Variants in REDIC1 observed in about 807,000 individuals in gnomAD.
REDIC1 encodes the protein HEI10 Interacting Protein 1.
chr12:39,824,594 G>A, the REDIC1 span, among the ~76,000 whole-genome samples: 11 of 152,308 alleles, frequency 7.2e-5, no homozygotes, highest in Admixed American at 6.5e-4. Context: ...CATCTGTACT[G>A]AGGTGGACGT....
the REDIC1 span, among the ~76,000 whole-genome samples, chr12:39,677,903 T>G: frequency 2.0e-5 from 3 of 152,032 alleles, no homozygotes; most frequent in Non-Finnish European, 4.4e-5. Flanking sequence ...ACAGTTGTAG[T>G]GACAAAACCT....
chr12:39,781,427 A>G, the REDIC1 span, among the ~76,000 whole-genome samples: 1 of 152,148 alleles, frequency 6.6e-6, no homozygotes, highest in Non-Finnish European at 1.5e-5. Context: ...CCTCCACGTC[A>G]CCTGCCATTG....
the REDIC1 span, among the ~76,000 whole-genome samples, chr12:39,637,235 G>A: frequency 6.6e-6 from 1 of 151,870 alleles, no homozygotes; most frequent in Admixed American, 6.6e-5. Flanking sequence ...AAGAGGTTAT[G>A]ACCTACCAAT....
the REDIC1 span, among the ~76,000 whole-genome samples, chr12:39,680,757 A>G: frequency 7.9e-6 from 1 of 126,334 alleles, no homozygotes; most frequent in East Asian, 2.2e-4. Flanking sequence ...GTGGGTGAAG[A>G]AAATACATAC....
the REDIC1 span, chr12:39,756,350 A>T: frequency 2.0e-5 from 3 of 151,954 alleles, no homozygotes; most frequent in Non-Finnish European, 4.4e-5. Flanking sequence ...TGGTAATTAA[A>T]AACTTGTCAC....
chr12:39,738,857 T>C, the REDIC1 span, among the ~76,000 whole-genome samples: 1 of 152,006 alleles, frequency 6.6e-6, no homozygotes, highest in Non-Finnish European at 1.5e-5. Context: ...TGTATGAACA[T>C]AAAATATTTC....
the REDIC1 span, among the ~76,000 whole-genome samples, chr12:39,718,019 G>A: frequency 6.6e-6 from 1 of 151,590 alleles, no homozygotes; most frequent in East Asian, 1.9e-4. Context: ...TTCTTGATTA[G>A]CTCTTGTAAA....
At chr12:39,664,711 A>G in the REDIC1 span, among the ~76,000 whole-genome samples, 9 of 152,134 alleles carry the variant, frequency 5.9e-5, no homozygotes, top group East Asian at 5.8e-4. Context: ...AAGTGTTCCT[A>G]TTTCTCCATA....
chr12:39,656,503 T>C, the REDIC1 span, among the ~76,000 whole-genome samples: 25 of 152,356 alleles, frequency 1.6e-4, no homozygotes, highest in African/African-American at 5.1e-4. Flanking sequence ...ATAATGATAA[T>C]AAATGACTTG....
chr12:39,888,317 C>G, the REDIC1 span, among the ~76,000 whole-genome samples: 1 of 152,142 alleles, frequency 6.6e-6, no homozygotes, highest in Non-Finnish European at 1.5e-5. Flanking sequence ...CTCCGCTTCC[C>G]AGGTTCAAGC....
the REDIC1 span, among the ~76,000 whole-genome samples, chr12:39,656,437 C>G: frequency 8.5e-5 from 13 of 152,058 alleles, 1 homozygote; most frequent in Non-Finnish European, 2.9e-5. Context: ...TATTAACAAA[C>G]CTGCCAGTCA....
chr12:39,712,368 ATG>A, the REDIC1 span, among the ~76,000 whole-genome samples: 1 of 137,162 alleles, frequency 7.3e-6, no homozygotes, highest in Non-Finnish European at 1.6e-5. Flanking sequence ...ATACATACAT[ATG>A]TATATATACC....
At chr12:39,820,509 A>G in the REDIC1 span, among the ~76,000 whole-genome samples, 1 of 152,256 alleles carries the variant, frequency 6.6e-6, no homozygotes, top group African/African-American at 2.4e-5. Flanking sequence ...TGTTTATGTT[A>G]TAAAACTAGC....
At chr12:39,898,880 T>C in the REDIC1 span, among the ~76,000 whole-genome samples, 2 of 152,118 alleles carry the variant, frequency 1.3e-5, no homozygotes, top group African/African-American at 4.8e-5. Flanking sequence ...CCCTTGTATA[T>C]AAAATGGAAA....
chr12:39,781,194 T>G, the REDIC1 span, among the ~76,000 whole-genome samples: 7 of 152,216 alleles, frequency 4.6e-5, no homozygotes, highest in African/African-American at 1.7e-4. Context: ...TCTATCTCAA[T>G]CCTTCCAAAT....
the REDIC1 span, among the ~76,000 whole-genome samples, chr12:39,693,537 A>T: frequency 2.2e-4 from 34 of 152,108 alleles, no homozygotes; most frequent in South Asian, 1.2e-3. Context: ...CTCATTCTAA[A>T]TGTAATATAG....
chr12:39,888,645 C>G, the REDIC1 span, among the ~76,000 whole-genome samples: 1 of 152,186 alleles, frequency 6.6e-6, no homozygotes, highest in African/African-American at 2.4e-5. Context: ...TGCAAGAGAG[C>G]ACAGTACTAA....
the REDIC1 span, among the ~76,000 whole-genome samples, chr12:39,714,564 C>T: frequency 1.3e-5 from 2 of 151,490 alleles, no homozygotes; most frequent in Non-Finnish European, 3.0e-5. Flanking sequence ...ATTTCTTTTC[C>T]TCTGGGTGGA....
the REDIC1 span, among the ~76,000 whole-genome samples, chr12:39,732,138 G>A: frequency 6.6e-6 from 1 of 152,022 alleles, no homozygotes; most frequent in Admixed American, 6.6e-5. Flanking sequence ...GTTTAATTTT[G>A]CTCCTTAAAG....
Sources: gnomAD v4.1 joint callset for allele counts (sites outside exome capture counted in the v4.1 genomes callset) on GRCh38, gnomAD v4.1.1 for gene constraint, MANE v1.5 for transcripts, NCBI Gene and HGNC (gene_info 2026-07-23, HGNC 2026-07-21) for gene names.